Variants in SEC24A observed in about 807,000 individuals in gnomAD.
SEC24A encodes protein transport protein Sec24A.
In SEC24A, 93 loss-of-function variants were observed where a neutral mutation model predicts 129.4. The ratio of observed to expected loss-of-function variants is 0.72; its 90% CI spans 0.61 to 0.85. The LOEUF (loss-of-function observed/expected upper bound fraction) is 0.85. Among genes scored for constraint, SEC24A ranks in the 40% least tolerant of loss-of-function variants. SEC24A has a pLI of 0.00. For missense variants in SEC24A, 1,264 were observed against 1,307.4 expected (o/e 0.97, Z 0.51); for synonymous variants, 460 against 467.3 (o/e 0.98, Z 0.20).
rs367594644 is a variant in SEC24A at position 134,693,944 on chromosome 5, C to T, written c.1986+11C>T. ...AGGTCATCTGCTAAGGTTAGAGAGT[C>T]ATGAAATGTCTGATAAGGTTTATGC... On this transcript the variant is annotated intron_variant, in intron 13 of 22. Coordinates refer to ENST00000398844, the MANE Select transcript of SEC24A (RefSeq NM_021982.3). 3 of 1,607,774 alleles carry T rather than the reference C, an allele frequency of 1.9e-6. No individual in the cohort carries two copies. Among genetic ancestry groups the T allele is most frequent in the Non-Finnish European group, 2.6e-6 (3 of 1,174,458 alleles).
chr5:134,673,051 A>T (rs1186884210), intron 4 of SEC24A, among the ~76,000 whole-genome samples: 34 of 113,644 alleles, frequency 3.0e-4, no homozygotes, highest in Admixed American at 4.3e-4. Context: ...CCCATTTAGG[A>T]TTTTTTTTTT....
intron 19 of SEC24A, chr5:134,715,435 C>A: frequency 3.4e-6 from 1 of 295,712 alleles, no homozygotes; most frequent in Non-Finnish European, 6.1e-6. Context: ...TTTATTCAAA[C>A]AAATCGATCT....
intron 9 of SEC24A, among the ~76,000 whole-genome samples, chr5:134,686,586 C>A (rs1751460457): frequency 6.6e-6 from 1 of 152,182 alleles, no homozygotes; most frequent in Non-Finnish European, 1.5e-5. Context: ...AGAGAAAACA[C>A]TCTTCTGAAT....
intron 17 of SEC24A, among the ~76,000 whole-genome samples, chr5:134,707,865 G>A (rs191819749): frequency 1.2e-3 from 180 of 152,042 alleles, no homozygotes; most frequent in African/African-American, 3.4e-3. Flanking sequence ...GCAGAAATGC[G>A]TATAAACAGA....
At chr5:134,687,033 G>A in intron 10 of SEC24A, 131 bp downstream of exon 10, 4 of 492,846 alleles carry the variant, frequency 8.1e-6, no homozygotes, top group Non-Finnish European at 1.1e-5. Flanking sequence ...TGTTAATTTA[G>A]GCCTCACTTT....
At chr5:134,706,957 G>A (rs1035013696) in intron 17 of SEC24A, among the ~76,000 whole-genome samples, 37 of 152,084 alleles carry the variant, frequency 2.4e-4, no homozygotes, top group Non-Finnish European at 1.0e-4. Flanking sequence ...CCAAAGTGCT[G>A]GGATTACAGG....
chr5:134,709,604 A>C (rs1229986548), intron 18 of SEC24A, among the ~76,000 whole-genome samples: 1 of 152,176 alleles, frequency 6.6e-6, no homozygotes, highest in African/African-American at 2.4e-5. Context: ...TGGTTACTAG[A>C]GGCTGGGTGG....
Position 134,682,247 on chromosome 5 carries a change from A to C in SEC24A, c.1382-126A>C, listed in dbSNP as rs562449789. 23 of 546,768 alleles carry C rather than the reference A, an allele frequency of 4.2e-5. No homozygotes were observed. The East Asian group carries it at 7.3e-4, about 17-fold the overall frequency. 33.9% of individuals were successfully genotyped at this position (546,768 alleles called of 1,614,324 possible). On this transcript the variant is annotated intron_variant, in intron 8 of 22. Transcript: ENST00000398844. Reference sequence around the variant, plus strand: ...AACAGAGTGAAACTCTGTCTCAAAAAAAAAAAAGAAAATAATTGACATTTA... The same window carrying C: ...AACAGAGTGAAACTCTGTCTCAAAACAAAAAAAGAAAATAATTGACATTTA...
At chr5:134,674,828 A>G (rs1751002325) in intron 5 of SEC24A, 53 bp downstream of exon 5, 2 of 1,504,380 alleles carry the variant, frequency 1.3e-6, no homozygotes, top group South Asian at 1.2e-5. Flanking sequence ...TTTAAACTGT[A>G]TACACATGAA....
Position 134,725,239 on chromosome 5 carries a change from CAAATA to C in SEC24A, c.*149_*153del. 1.8e-6 allele frequency: 1 copy of C among 557,548 alleles called. No homozygotes were observed. Among genetic ancestry groups the C allele is most frequent in the Non-Finnish European group, 3.2e-6 (1 of 317,106 alleles). 34.5% of individuals were successfully genotyped at this position (557,548 alleles called of 1,614,324 possible). A position where few individuals can be genotyped will look rare whatever the true frequency, so the allele number is the denominator to read the frequency against. ...TCACTGTGATTTCAACAACCTATAGCAAATAAAAGACCACAGCAGAGAATCAAACA... is the reference window on the plus strand; with the variant it reads ...TCACTGTGATTTCAACAACCTATAGCAAAGACCACAGCAGAGAATCAAACA... On this transcript the variant is annotated 3_prime_UTR_variant, in exon 23 of 23. Coordinates refer to ENST00000398844, the MANE Select transcript of SEC24A (RefSeq NM_021982.3).
chr5:134,697,502 G>A (rs1751863896), intron 14 of SEC24A, among the ~76,000 whole-genome samples: 1 of 152,112 alleles, frequency 6.6e-6, no homozygotes, highest in African/African-American at 2.4e-5. Flanking sequence ...AATTTGTGAG[G>A]CCTGTGCAGG....
At chr5:134,699,050 C>G (rs1325319976) in intron 15 of SEC24A, among the ~76,000 whole-genome samples, 1 of 151,940 alleles carries the variant, frequency 6.6e-6, no homozygotes, top group Non-Finnish European at 1.5e-5. Context: ...CTCAGCTTTC[C>G]TAGTAGCTGA....
At chr5:134,703,695 G>A (rs1179031573) in intron 15 of SEC24A, 64 bp from the exon 16 acceptor site, 2 of 1,083,284 alleles carry the variant, frequency 1.8e-6, no homozygotes, top group Admixed American at 2.1e-5. Context: ...AAGTAACTAG[G>A]ATAAAATGTA....
At chr5:134,705,090 A>ATATTT (rs1180461537) in intron 16 of SEC24A, among the ~76,000 whole-genome samples, 92 of 123,282 alleles carry the variant, frequency 7.5e-4, no homozygotes, top group East Asian at 3.4e-3. Flanking sequence ...ATATATATAT[A>ATATTT]TTTTTTTTTT....
chr5:134,719,189 C>T (rs539948581), intron 20 of SEC24A, among the ~76,000 whole-genome samples: 5 of 152,070 alleles, frequency 3.3e-5, no homozygotes, highest in African/African-American at 1.2e-4. Flanking sequence ...CGAGACCAGC[C>T]GGGGCAACAT....
chr5:134,685,573 T>C (rs764461161), intron 9 of SEC24A, among the ~76,000 whole-genome samples: 1 of 152,194 alleles, frequency 6.6e-6, no homozygotes, highest in Admixed American at 6.6e-5. Flanking sequence ...TGGGAGATCC[T>C]GGAACTAATC....
intron 3 of SEC24A, among the ~76,000 whole-genome samples, chr5:134,668,268 A>G (rs544573858): frequency 6.6e-6 from 1 of 152,302 alleles, no homozygotes. Context: ...ATTAAGTATT[A>G]TAAGTCGGGA....
intron 11 of SEC24A, among the ~76,000 whole-genome samples, chr5:134,691,104 C>T (rs936444784): frequency 6.6e-6 from 1 of 151,602 alleles, no homozygotes; most frequent in African/African-American, 2.4e-5. Flanking sequence ...CTGCCCACCT[C>T]GGCCTCCCAA....
In SEC24A at chr5:134,705,461, A is replaced by G. The variant is rs780485541; in HGVS notation, c.2551+24A>G. Reference sequence around the variant, plus strand: ...GGGTAAGAGTTGTTATCTGTTATAAATATCTTACAAGTAATAACATTAGGC... The same window carrying G: ...GGGTAAGAGTTGTTATCTGTTATAAGTATCTTACAAGTAATAACATTAGGC... On this transcript the variant is annotated intron_variant, in intron 17 of 22. Coordinates refer to ENST00000398844, the MANE Select transcript of SEC24A (RefSeq NM_021982.3). 4.9e-6 allele frequency: 7 copies of G among 1,426,162 alleles called. No individual in the cohort carries two copies. In the East Asian group the frequency reaches 1.2e-4, roughly 23 times the overall value. 88.3% of individuals were successfully genotyped at this position (1,426,162 alleles called of 1,614,324 possible).
Sources: allele counts gnomAD v4.1 joint callset (sites outside exome capture counted in the v4.1 genomes callset), GRCh38; gene constraint gnomAD v4.1.1; transcripts MANE v1.5; gene names NCBI Gene and HGNC (gene_info 2026-07-23, HGNC 2026-07-21).